AGTR1: variants seen among roughly 807,000 people sequenced by gnomAD.
AGTR1 encodes type-1 angiotensin II receptor.
In AGTR1, 16 loss-of-function variants were observed where a neutral mutation model predicts 19.4. The ratio of observed to expected loss-of-function variants is 0.82; its 90% CI spans 0.56 to 1.25. The LOEUF is 1.25. AGTR1 is among the 50% of genes most tolerant of loss of function. The probability of loss-of-function intolerance (pLI) is 0.00; values close to 1 mark genes in which losing one functional copy is unlikely to be tolerated. For synonymous variants in AGTR1, 153 were observed against 154.9 expected (o/e 0.99, Z 0.09); for missense variants, 373 against 431.9 (o/e 0.86, Z 1.21).
rs1714872915 is a variant in AGTR1 at position 148,741,374 on chromosome 3, CGCTAG to C, written c.340_344del (p.Ala114CysfsTer10). On this transcript the variant is annotated frameshift_variant, in exon 3 of 3. Coordinates refer to ENST00000349243, the MANE Select transcript of AGTR1 (RefSeq NM_000685.5). LOFTEE classifies it high-confidence loss of function. Reference sequence around the variant, plus strand: ...CAGCCAGCGTCAGTTTCAACCTGTACGCTAGTGTGTTTCTACTCACGTGTCTCAGC... The same window carrying C: ...CAGCCAGCGTCAGTTTCAACCTGTACTGTGTTTCTACTCACGTGTCTCAGC... The C allele has an allele frequency of 6.2e-7, 1 of 1,604,104 alleles. No homozygotes were observed. The highest frequency in any genetic ancestry group is 8.5e-7 in the Non-Finnish European group (1 of 1,178,792).
chr3:148,724,701 CTT>C (rs903104231), intron 2 of AGTR1, among the ~76,000 whole-genome samples: 2 of 152,100 alleles, frequency 1.3e-5, no homozygotes, highest in African/African-American at 4.8e-5. Context: ...TGCAGAATGA[CTT>C]TTTATGTAAA....
At chr3:148,725,673 G>A (rs6763483) in intron 2 of AGTR1, among the ~76,000 whole-genome samples, 2,340 of 152,148 alleles carry the variant, frequency 0.015, 71 homozygotes, top group African/African-American at 0.054. Flanking sequence ...ATTAGAGACG[G>A]GGTTTCACCA....
intron 1 of AGTR1, among the ~76,000 whole-genome samples, chr3:148,705,247 G>A (rs924436732): frequency 1.6e-4 from 25 of 152,056 alleles, no homozygotes; most frequent in Non-Finnish European, 2.2e-4. Flanking sequence ...AAAAATTCTC[G>A]TAGCATAGCA....
At chr3:148,712,092 A>G (rs1713017989) in intron 2 of AGTR1, among the ~76,000 whole-genome samples, 1 of 152,038 alleles carries the variant, frequency 6.6e-6, no homozygotes, top group Non-Finnish European at 1.5e-5. Flanking sequence ...TCAAAGAAAT[A>G]GGTTTTAAAT....
chr3:148,722,243 T>C (rs1264879649), intron 2 of AGTR1, among the ~76,000 whole-genome samples: 1 of 152,216 alleles, frequency 6.6e-6, no homozygotes, highest in Non-Finnish European at 1.5e-5. Context: ...ATAGGATTAT[T>C]ACACTATTAC....
chr3:148,741,847 T>C lies in AGTR1; in HGVS notation c.812T>C (p.Ile271Thr), dbSNP rs1283415503. ...FLDVLIQLGIIRDCRIADIVD... is the reference protein window; with the variant it reads ...FLDVLIQLGITRDCRIADIVD... ...GATGTATTGATTCAACTAGGCATCA[T>C]ACGTGACTGTAGAATTGCAGATATT... The change falls in exon 3 of 3, where the codon ATA (isoleucine) becomes ACA (threonine). Residue 271 changes from isoleucine to threonine, a missense_variant. Coordinates refer to ENST00000349243, the MANE Select transcript of AGTR1 (RefSeq NM_000685.5). The C allele has an allele frequency of 1.2e-6, 2 of 1,614,080 alleles. No homozygotes were observed. The highest frequency in any genetic ancestry group is 2.2e-5 in the South Asian group (2 of 91,084).
At chr3:148,740,168 C>T (rs1356034269) in intron 2 of AGTR1, among the ~76,000 whole-genome samples, 2 of 152,250 alleles carry the variant, frequency 1.3e-5, no homozygotes, top group African/African-American at 4.8e-5. Context: ...CTGCTGCTTT[C>T]TCAAGCCCTC....
At chr3:148,713,369 A>G (rs1438451282) in intron 2 of AGTR1, among the ~76,000 whole-genome samples, 1 of 152,106 alleles carries the variant, frequency 6.6e-6, no homozygotes, top group Admixed American at 6.6e-5. Context: ...TAATTCTGCA[A>G]TCTTCCTCAG....
Position 148,728,677 on chromosome 3 carries a change from A to T in AGTR1, c.-47-12312A>T, listed in dbSNP as rs12721287. On this transcript the variant is annotated intron_variant, in intron 2 of 2. Coordinates refer to ENST00000349243, the MANE Select transcript of AGTR1 (RefSeq NM_000685.5). ...ATATTTCTCCGAGAGGTGGATGGAGAATGATAATTCACTTTTACCCTCTGA... is the reference window on the plus strand; with the variant it reads ...ATATTTCTCCGAGAGGTGGATGGAGTATGATAATTCACTTTTACCCTCTGA... Among the ~76,000 whole-genome samples the T allele has an allele frequency of 2.0e-3, 312 of 152,284 alleles. 1 individual carries two copies. The highest frequency in any genetic ancestry group is 7.2e-3 in the African/African-American group (301 of 41,566).
At chr3:148,725,543 G>A (rs1180607190) in intron 2 of AGTR1, among the ~76,000 whole-genome samples, 1 of 152,092 alleles carries the variant, frequency 6.6e-6, no homozygotes, top group South Asian at 2.1e-4. Context: ...GCAGTGGCGC[G>A]ATCTTGGCTC....
chr3:148,704,112 A>G (rs1307055010), intron 1 of AGTR1, among the ~76,000 whole-genome samples: 1 of 152,120 alleles, frequency 6.6e-6, no homozygotes, highest in Non-Finnish European at 1.5e-5. Flanking sequence ...CTGTAATCCC[A>G]GCACTTTGGG....
At chr3:148,710,412 G>A (rs748442470) in intron 2 of AGTR1, among the ~76,000 whole-genome samples, 2 of 152,050 alleles carry the variant, frequency 1.3e-5, no homozygotes, top group African/African-American at 2.4e-5. Flanking sequence ...GTTATATTAA[G>A]AACTAAAATA....
At position 148,732,759 on chromosome 3, in the gene AGTR1, G is replaced by C. The variant is rs1168738537; in HGVS notation, c.-47-8230G>C. On this transcript the variant is annotated intron_variant, in intron 2 of 2. Transcript: ENST00000349243. ...TTTTTTTTTTTTTTTTTTTTTTTTTGAGACGGAGTCTCGCTCTGTCGCCCA... is the reference window on the plus strand; with the variant it reads ...TTTTTTTTTTTTTTTTTTTTTTTTTCAGACGGAGTCTCGCTCTGTCGCCCA... Among the ~76,000 whole-genome samples the C allele has an allele frequency of 1.3e-3, 13 of 9,640 alleles. No homozygotes were observed. The South Asian group carries it at 0.033, about 24-fold the overall frequency. The allele number at this position is 9,640 out of a possible 152,430, so 6.3% of individuals were successfully genotyped here.
intron 2 of AGTR1, among the ~76,000 whole-genome samples, chr3:148,729,653 C>T (rs1358881962): frequency 6.6e-6 from 1 of 152,124 alleles, no homozygotes; most frequent in Non-Finnish European, 1.5e-5. Flanking sequence ...GCATCGGTGT[C>T]TCTTATCACA....
At chr3:148,702,793 T>C (rs1712424628) in intron 1 of AGTR1, among the ~76,000 whole-genome samples, 1 of 152,228 alleles carries the variant, frequency 6.6e-6, no homozygotes, top group African/African-American at 2.4e-5. Flanking sequence ...CTTGCCTGTT[T>C]GTTGCTTATT....
chr3:148,735,277 A>G (rs1267265300), intron 2 of AGTR1, among the ~76,000 whole-genome samples: 1 of 152,200 alleles, frequency 6.6e-6, no homozygotes, highest in Admixed American at 6.5e-5. Flanking sequence ...AATATATAGT[A>G]TCTGCAAATA....
At chr3:148,729,933 G>A (rs1039066050) in intron 2 of AGTR1, among the ~76,000 whole-genome samples, 10 of 151,996 alleles carry the variant, frequency 6.6e-5, no homozygotes, top group African/African-American at 9.7e-5. Flanking sequence ...CTAGCACCAC[G>A]TGTAGTTTCC....
intron 1 of AGTR1, among the ~76,000 whole-genome samples, chr3:148,705,860 G>A (rs1221912398): frequency 6.6e-6 from 1 of 151,820 alleles, no homozygotes; most frequent in Non-Finnish European, 1.5e-5. Flanking sequence ...TGCCATTAAG[G>A]TCTTGGGTTA....
rs12721292 is a variant in AGTR1 at position 148,739,868 on chromosome 3, T to A, written c.-47-1121T>A. On this transcript the variant is annotated intron_variant, in intron 2 of 2. Coordinates refer to ENST00000349243, the MANE Select transcript of AGTR1 (RefSeq NM_000685.5). Reference sequence around the variant, plus strand: ...ACCTGCTCCTGGTAGAGCAATAGGATCTGTGTGCCCAGCACCACTGCCCAC... The same window carrying A: ...ACCTGCTCCTGGTAGAGCAATAGGAACTGTGTGCCCAGCACCACTGCCCAC... The A allele has an allele frequency of 4.6e-3, 5,702 of 1,231,850 alleles. 20 individuals carry two copies. Among genetic ancestry groups the A allele is most frequent in the Admixed American group, 4.9e-3 (117 of 23,718 alleles). The allele number at this position is 1,231,850 out of a possible 1,614,324, so 76.3% of individuals were successfully genotyped here. A position where few individuals can be genotyped will look rare whatever the true frequency, so the allele number is the denominator to read the frequency against.
Sources: allele counts gnomAD v4.1 joint callset (sites outside exome capture counted in the v4.1 genomes callset), GRCh38; gene constraint gnomAD v4.1.1; transcripts MANE v1.5; gene names NCBI Gene and HGNC (gene_info 2026-07-23, HGNC 2026-07-21).